The following RAD17 variants were observed in gnomAD, a reference collection of about 807,000 sequenced individuals.
The protein encoded by RAD17 is RAD17 checkpoint clamp loader component.
RAD17 carries 31 observed loss-of-function variants against 81.5 expected under a neutral mutation model. That is an observed-to-expected ratio of 0.38 (90% confidence interval 0.29 to 0.51). The LOEUF (loss-of-function observed/expected upper bound fraction) is 0.51. Ranked by LOEUF, RAD17 falls within the 20% of genes least tolerant of loss-of-function variation. The pLI is 0.88. For synonymous variants in RAD17, 261 were observed against 266.2 expected, an observed-to-expected ratio of 0.98 and a Z score of 0.19; for missense variants, 681 against 781.2, an observed-to-expected ratio of 0.87 and a Z score of 1.53.
intron 17 of RAD17, among the ~76,000 whole-genome samples, chr5:69,409,275 G>A (rs17236583): frequency 6.6e-6 from 1 of 152,150 alleles, no homozygotes; most frequent in African/African-American, 2.4e-5. Flanking sequence ...GCTGGGACAG[G>A]GGACAGTGCC....
intron 6 of RAD17, among the ~76,000 whole-genome samples, chr5:69,377,292 GT>G (rs1249343802): frequency 6.6e-6 from 1 of 150,772 alleles, no homozygotes; most frequent in African/African-American, 2.4e-5. Context: ...TTAGCTAATA[GT>G]TTTTATTTTT....
At position 69,372,145 on chromosome 5, in the gene RAD17, T is replaced by C. The variant is rs973566136; in HGVS notation, c.-64T>C. The C allele has an allele frequency of 1.9e-6, 3 of 1,555,520 alleles. No homozygotes were observed. The highest frequency in any genetic ancestry group is 2.8e-5 in the African/African-American group (2 of 72,692). ...TATAATGAAAGATATTTTCATACTCTCAAAAATATAGAGGAAAGGGGCCAA... is the reference window on the plus strand; with the variant it reads ...TATAATGAAAGATATTTTCATACTCCCAAAAATATAGAGGAAAGGGGCCAA... On this transcript the variant is annotated 5_prime_UTR_variant, in exon 4 of 19. Transcript: ENST00000354868.
chr5:69,402,060 T>G (rs1037380341), intron 17 of RAD17, among the ~76,000 whole-genome samples: 4 of 150,980 alleles, frequency 2.6e-5, no homozygotes, highest in African/African-American at 9.7e-5. Context: ...TTTGTTTTTT[T>G]TTTTGAGATG....
chr5:69,393,555 A>G (rs1012405085), intron 15 of RAD17, 55 bp downstream of exon 15: 2 of 1,485,426 alleles, frequency 1.3e-6, no homozygotes, highest in Non-Finnish European at 1.8e-6. Flanking sequence ...TAGAATTAAG[A>G]AAAGAAAGTT....
chr5:69,379,175 G>T (rs1339597173), intron 6 of RAD17, among the ~76,000 whole-genome samples: 2 of 152,140 alleles, frequency 1.3e-5, no homozygotes, highest in African/African-American at 4.8e-5. Flanking sequence ...GGCGGAAGTT[G>T]CAGTGAGCTG....
intron 17 of RAD17, among the ~76,000 whole-genome samples, chr5:69,405,667 A>T (rs1765551617): frequency 6.6e-6 from 1 of 151,224 alleles, no homozygotes; most frequent in African/African-American, 2.4e-5. Context: ...ACTCTGTCTC[A>T]AAAAACAAAC....
At chr5:69,377,372 C>T (rs1462810711) in intron 6 of RAD17, among the ~76,000 whole-genome samples, 2 of 144,242 alleles carry the variant, frequency 1.4e-5, no homozygotes, top group African/African-American at 5.2e-5. Context: ...CATAAACCTA[C>T]ATTGGTGTTA....
chr5:69,407,122 C>T (rs1561275511), intron 17 of RAD17, among the ~76,000 whole-genome samples: 1 of 151,540 alleles, frequency 6.6e-6, no homozygotes, highest in Non-Finnish European at 1.5e-5. Context: ...CCTACCTCAG[C>T]CTCCTGAGTA....
At position 69,386,229 on chromosome 5, in the gene RAD17, A is replaced by G. The variant is rs1764204488; in HGVS notation, c.748A>G (p.Ser250Gly). ...RCPLIFIISDSLSGDNNQRLL... is the reference protein window; with the variant it reads ...RCPLIFIISDGLSGDNNQRLL... ...TCCTCTTATATTTATAATCTCGGACAGTCTCAGTGGAGATAATAATCAAAG... is the reference window on the plus strand; with the variant it reads ...TCCTCTTATATTTATAATCTCGGACGGTCTCAGTGGAGATAATAATCAAAG... Residue 250 changes from serine to glycine, a missense_variant, in exon 10 of 19, where the codon AGT becomes GGT. Coordinates refer to ENST00000354868, the MANE Select transcript of RAD17 (RefSeq NM_133338.3). 2 of 1,608,574 alleles carry G rather than the reference A, an allele frequency of 1.2e-6. No homozygotes were observed. The highest frequency in any genetic ancestry group is 2.7e-5 in the African/African-American group (2 of 74,966).
At chr5:69,411,850 G>A (rs991311331) in intron 18 of RAD17, among the ~76,000 whole-genome samples, 1 of 152,214 alleles carries the variant, frequency 6.6e-6, no homozygotes, top group African/African-American at 2.4e-5. Context: ...TTGCTCCTGA[G>A]ATGTATTGAG....
chr5:69,377,029 C>T (rs1432690176), intron 6 of RAD17, among the ~76,000 whole-genome samples: 2 of 152,156 alleles, frequency 1.3e-5, no homozygotes, highest in East Asian at 3.9e-4. Context: ...GCTGGGATTG[C>T]AGGTGTGAGT....
chr5:69,388,993 T>G, intron 11 of RAD17, 41 bp from the exon 12 acceptor site: 1 of 1,090,184 alleles, frequency 9.2e-7, no homozygotes, highest in Non-Finnish European at 1.3e-6. Flanking sequence ...TTGTTATTTT[T>G]AAGAAAATAC....
intron 15 of RAD17, 32 bp from the exon 16 acceptor site, chr5:69,396,365 T>G: frequency 6.3e-7 from 1 of 1,586,914 alleles, no homozygotes; most frequent in Non-Finnish European, 8.6e-7. Context: ...TTTATAAATC[T>G]ATTTTCTTTC....
intron 2 of RAD17, 110 bp downstream of exon 2, chr5:69,371,281 C>A: frequency 2.0e-6 from 1 of 499,522 alleles, no homozygotes; most frequent in Non-Finnish European, 3.7e-6. Flanking sequence ...CAGTTATAGT[C>A]ATTAAAATTA....
chr5:69,382,986 G>C (rs1414398194), intron 7 of RAD17, among the ~76,000 whole-genome samples: 1 of 152,032 alleles, frequency 6.6e-6, no homozygotes, highest in Middle Eastern at 3.2e-3. Flanking sequence ...GTTTTGCCAT[G>C]TTAGCCAGTC....
intron 6 of RAD17, 86 bp downstream of exon 6, chr5:69,374,797 G>T: frequency 8.5e-7 from 1 of 1,180,392 alleles, no homozygotes; most frequent in South Asian, 1.4e-5. Context: ...GTTTTATGAT[G>T]ATTTTGTTCA....
Position 69,382,041 on chromosome 5 carries a change from G to A in RAD17, c.492G>A (p.Lys164=). 3.1e-6 allele frequency: 5 copies of A among 1,612,784 alleles called. No individual in the cohort carries two copies. Among genetic ancestry groups the A allele is most frequent in the Non-Finnish European group, 4.2e-6 (5 of 1,179,074 alleles). Residue 164 remains lysine (K), a synonymous_variant, in exon 7 of 19, where the codon AAG becomes AAA. Coordinates refer to ENST00000354868, the MANE Select transcript of RAD17 (RefSeq NM_133338.3). The part of the protein sequence containing the change: ...VLPDFQKDDF[K]GMFNTESSFH... ...CAGACTTCCAAAAAGATGATTTCAA[G>A]GGGATGTTTAATACTGGTAAGATTT...
At chr5:69,369,507 G>A (rs910167382), upstream of RAD17, 3 of 1,611,190 alleles carry the variant, frequency 1.9e-6, no homozygotes, top group Non-Finnish European at 1.7e-6. Flanking sequence ...CGCCGCGACG[G>A]CTTCGGGCGC....
At chr5:69,375,157 A>G (rs17229859) in intron 6 of RAD17, among the ~76,000 whole-genome samples, 3,766 of 152,294 alleles carry the variant, frequency 0.025, 161 homozygotes, top group African/African-American at 0.085. Context: ...AGAAAGCTTC[A>G]TGACTTTACT....
Sources: gnomAD v4.1 joint callset for allele counts (sites outside exome capture counted in the v4.1 genomes callset) on GRCh38, gnomAD v4.1.1 for gene constraint, MANE v1.5 for transcripts, NCBI Gene and HGNC (gene_info 2026-07-23, HGNC 2026-07-21) for gene names.